FZR1: variants seen among roughly 807,000 people sequenced by gnomAD.
FZR1 encodes fizzy-related protein homolog.
A neutral mutation model predicts 63.6 loss-of-function variants in FZR1; 11 were observed. The observed-to-expected ratio is 0.17, with a 90% CI of 0.11 to 0.29. FZR1 has a LOEUF of 0.29. Ranked by LOEUF, FZR1 falls within the 10% of genes least tolerant of loss-of-function variation. The probability of loss-of-function intolerance (pLI) is 1.00; values close to 1 mark genes in which losing one functional copy is unlikely to be tolerated. For missense variants in FZR1, 440 were observed against 687.5 expected, an observed-to-expected ratio of 0.64 and a Z score of 4.03; for synonymous variants, 328 against 297.9, an observed-to-expected ratio of 1.10 and a Z score of -1.04.
chr19:3,529,614 TTGAGCAGATGGGAGAGCGGATGGG>T (rs1448734928), intron 7 of FZR1, among the ~76,000 whole-genome samples: 118 of 49,054 alleles, frequency 2.4e-3, no homozygotes, highest in Non-Finnish European at 3.4e-3. Flanking sequence ...GAGTGGATGG[TTGAGCAGATGGGAGAGCGGATGGG>T]TGAGCAGATG....
At chr19:3,528,382 G>C (rs1233554595) in intron 7 of FZR1, among the ~76,000 whole-genome samples, 1 of 152,266 alleles carries the variant, frequency 6.6e-6, no homozygotes, top group Non-Finnish European at 1.5e-5. Context: ...CAGCCTATGA[G>C]CTGCTCCCGC....
At chr19:3,523,569 T>C (rs561787143) in intron 2 of FZR1, among the ~76,000 whole-genome samples, 1 of 152,336 alleles carries the variant, frequency 6.6e-6, no homozygotes, top group African/African-American at 2.4e-5. Context: ...ACCCGACTCC[T>C]GCGGGGGGCT....
chr19:3,508,724 G>A (rs970454831), intron 1 of FZR1, among the ~76,000 whole-genome samples: 4 of 152,192 alleles, frequency 2.6e-5, no homozygotes, highest in Middle Eastern at 3.2e-3. Context: ...GGAACTCAGC[G>A]CTGTCACTCC....
chr19:3,525,930 C>A lies in FZR1; in HGVS notation c.132C>A (p.His44Gln), dbSNP rs368356219. 1 of 1,612,506 alleles carries A rather than the reference C, an allele frequency of 6.2e-7. No homozygotes were observed. Among genetic ancestry groups the A allele is most frequent in the Non-Finnish European group, 8.5e-7 (1 of 1,179,896 alleles). ...CCCCAGTGTCCTCGCCCAGCAAGCA[C>A]GGAGACCGCTTCATCCCCTCCAGAG... ...ASSPVSSPSKHGDRFIPSRAG... is the reference protein window; with the variant it reads ...ASSPVSSPSKQGDRFIPSRAG... Residue 44 changes from histidine (H) to glutamine (Q), a missense_variant, in exon 3 of 14, where the codon CAC becomes CAA. By Grantham distance (24) the His-to-Gln change is conservative. Transcript: ENST00000441788. This position sits in a 1 kb window ranked among gnomAD's most constrained non-coding sequence, Gnocchi z 4.2.
At position 3,525,590 on chromosome 19, in the gene FZR1, C is replaced by T. The variant is rs545198665; in HGVS notation, c.70-278C>T. On this transcript the variant is annotated intron_variant, in intron 2 of 13. Coordinates refer to ENST00000441788, the MANE Select transcript of FZR1 (RefSeq NM_016263.4). The surrounding 1 kb of genome is among the most constrained non-coding windows in gnomAD (Gnocchi z 4.2). ...CCCGAGTAGCTGGGACTACAGGCGC[C>T]TGCCACCACGCCCGGCTGATTTTTT... is the stretch of plus-strand genomic sequence containing the variant. Among the ~76,000 whole-genome samples the T allele has an allele frequency of 1.2e-3, 175 of 152,128 alleles. 1 individual carries two copies. Among genetic ancestry groups the T allele is most frequent in the African/African-American group, 4.1e-3 (172 of 41,520 alleles).
Position 3,525,261 on chromosome 19 carries a change from A to C in FZR1, c.70-607A>C, listed in dbSNP as rs2083141905. 6.6e-6 allele frequency among the ~76,000 whole-genome samples: 1 copy of C among 151,524 alleles called. No individual in the cohort carries two copies. The highest frequency in any genetic ancestry group is 6.6e-5 in the Admixed American group (1 of 15,204). On this transcript the variant is annotated intron_variant, in intron 2 of 13. Coordinates refer to ENST00000441788, the MANE Select transcript of FZR1 (RefSeq NM_016263.4). This position sits in a 1 kb window ranked among gnomAD's most constrained non-coding sequence, Gnocchi z 4.2. ...CTCTGTCCCCTCCGCCATGGCCCCC[A>C]TTCCTGCCACTCCACCCCGTCCCGT... is the stretch of plus-strand genomic sequence containing the variant.
rs2083049988 is a variant in FZR1 at position 3,515,164 on chromosome 19, G to T, written c.-34-7792G>T. 6.6e-6 allele frequency among the ~76,000 whole-genome samples: 1 copy of T among 152,226 alleles called. No homozygotes were observed. The highest frequency in any genetic ancestry group is 6.5e-5 in the Admixed American group (1 of 15,288). On this transcript the variant is annotated intron_variant, in intron 1 of 13. Transcript: ENST00000441788. This position sits in a 1 kb window ranked among gnomAD's most constrained non-coding sequence, Gnocchi z 4.6. ...GGGCCAGGGACAAGAACCTCTGCAG[G>T]GCCTGGCGGAGCACGAGTCACTCAC...
rs1293197613 is a variant in FZR1, at chr19:3,537,409, G to C, written c.*2573G>C. ...CAGATGGAGGGGGAGGCTGACCAAG[G>C]GCCCCGCAGGGCGGGCTGCAACTTT... On this transcript the variant is annotated 3_prime_UTR_variant, in exon 14 of 14. Coordinates refer to ENST00000441788, the MANE Select transcript of FZR1 (RefSeq NM_016263.4). 1.3e-5 allele frequency: 2 copies of C among 152,344 alleles called. No individual in the cohort carries two copies. Among genetic ancestry groups the C allele is most frequent in the African/African-American group, 4.8e-5 (2 of 41,464 alleles). The allele number at this position is 152,344 out of a possible 1,614,324, so 9.4% of individuals were successfully genotyped here. A position where few individuals can be genotyped will look rare whatever the true frequency, so the allele number is the denominator to read the frequency against.
At position 3,533,138 on chromosome 19, in the gene FZR1, A is replaced by G. The variant is rs549940500; in HGVS notation, c.1243-156A>G. Among the ~76,000 whole-genome samples, 130 of 152,200 alleles carry G rather than the reference A, an allele frequency of 8.5e-4. No individual in the cohort carries two copies. The highest frequency in any genetic ancestry group is 2.6e-3 in the African/African-American group (108 of 41,540). On this transcript the variant is annotated intron_variant, in intron 11 of 13. Transcript: ENST00000441788. The surrounding 1 kb of genome is among the most constrained non-coding windows in gnomAD (Gnocchi z 4.9). Reference sequence around the variant, plus strand: ...GCCTCCACACCTCCTAGACAGACTCAGGTGGCAGAGCCACATCCCAGCATC... The same window carrying G: ...GCCTCCACACCTCCTAGACAGACTCGGGTGGCAGAGCCACATCCCAGCATC...
At chr19:3,528,664 TGGATGAGAGAGTGGATGGGTGAGC>T (rs1351172275) in intron 7 of FZR1, among the ~76,000 whole-genome samples, 13 of 137,910 alleles carry the variant, frequency 9.4e-5, no homozygotes, top group African/African-American at 2.7e-4. Context: ...GATGGGAGAA[TGGATGAGAGAGTGGATGGGTGAGC>T]GGATGAGAGA....
rs1568237450 is a variant in FZR1, at chr19:3,529,131, TGGGAGAGCGGATGGGA to T, written c.654+1319_654+1334del. On this transcript the variant is annotated intron_variant, in intron 7 of 13. Transcript: ENST00000441788. ...ATGGGAGAGCGGATGGGAGAGCGGA[TGGGAGAGCGGATGGGA>T]GAGCGGATGGGAGAGCGGTTGGGAG... Among the ~76,000 whole-genome samples the T allele has an allele frequency of 3.6e-3, 470 of 131,714 alleles. 8 individuals carry two copies. The highest frequency in any genetic ancestry group is 0.013 in the African/African-American group (433 of 33,850). 86.4% of individuals were successfully genotyped at this position (131,714 alleles called of 152,430 possible).
chr19:3,528,333 C>T (rs982066837), intron 7 of FZR1, among the ~76,000 whole-genome samples: 4 of 152,230 alleles, frequency 2.6e-5, no homozygotes, highest in African/African-American at 7.2e-5. Flanking sequence ...TAACGCCATG[C>T]GAGTAGTTTC....
At chr19:3,506,976 A>T (rs2082988510) in intron 1 of FZR1, among the ~76,000 whole-genome samples, 1 of 151,856 alleles carries the variant, frequency 6.6e-6, no homozygotes, top group East Asian at 1.9e-4. Context: ...GTGGTGTGCG[A>T]TGGCTCGCCC....
chr19:3,525,784 GC>G lies in FZR1; in HGVS notation c.70-82del. The G allele has an allele frequency of 6.6e-7, 1 of 1,517,772 alleles. No individual in the cohort carries two copies. Among genetic ancestry groups the G allele is most frequent in the East Asian group, 2.3e-5 (1 of 44,076 alleles). The allele number at this position is 1,517,772 out of a possible 1,614,324, so 94.0% of individuals were successfully genotyped here. On this transcript the variant is annotated intron_variant, in intron 2 of 13. Coordinates refer to ENST00000441788, the MANE Select transcript of FZR1 (RefSeq NM_016263.4). This position sits in a 1 kb window ranked among gnomAD's most constrained non-coding sequence, Gnocchi z 4.2. ...AGATCAAAGCCCCCTTTGCTCAGTG[GC>G]CAGAGGCTGAGAGAGGCTGGCCTGG...
intron 7 of FZR1, 100 bp downstream of exon 7, chr19:3,527,914 G>A (rs2083177243): frequency 4.4e-6 from 4 of 919,174 alleles, no homozygotes; most frequent in Non-Finnish European, 4.8e-6. Flanking sequence ...GTACGAGCCA[G>A]GCGCCTGCCA....
At chr19:3,508,138 A>G in intron 1 of FZR1, among the ~76,000 whole-genome samples, 1 of 142,492 alleles carries the variant, frequency 7.0e-6, no homozygotes, top group African/African-American at 2.6e-5. Flanking sequence ...TGGGGTTTGG[A>G]GGAGGAGTTT....
At chr19:3,523,102 C>G in intron 2 of FZR1, 44 bp downstream of exon 2, 1 of 1,210,740 alleles carries the variant, frequency 8.3e-7, no homozygotes, top group Non-Finnish European at 1.2e-6. Context: ...CCCCCTCCCC[C>G]AGCTGCCTCT....
rs2083264479 is a variant in FZR1, at chr19:3,533,106, A to G, written c.1243-188A>G. 1.3e-5 allele frequency among the ~76,000 whole-genome samples: 2 copies of G among 151,506 alleles called. No individual in the cohort carries two copies. The highest frequency in any genetic ancestry group is 4.9e-5 in the African/African-American group (2 of 41,154). On this transcript the variant is annotated intron_variant, in intron 11 of 13. Transcript: ENST00000441788. The surrounding 1 kb of genome is among the most constrained non-coding windows in gnomAD (Gnocchi z 4.9). Reference sequence around the variant, plus strand: ...CCTTTGGCGGTGGGTGGAGGGGTCCACCTGTGGCCTCCACACCTCCTAGAC... The same window carrying G: ...CCTTTGGCGGTGGGTGGAGGGGTCCGCCTGTGGCCTCCACACCTCCTAGAC...
rs369347072 is a variant in FZR1 at position 3,527,263 on chromosome 19, A to C, written c.470+201A>C. Among the ~76,000 whole-genome samples, 38 of 152,204 alleles carry C rather than the reference A, an allele frequency of 2.5e-4. 1 individual carries two copies. The East Asian group carries it at 4.6e-3, about 19-fold the overall frequency. On this transcript the variant is annotated intron_variant, in intron 6 of 13. Coordinates refer to ENST00000441788, the MANE Select transcript of FZR1 (RefSeq NM_016263.4). ...TAGAGTGGAGGGGCCCCAGCCCCCC[A>C]TGAGGCCATGGTCAGTAATAGAAGT...
Sources: gnomAD v4.1 joint callset for allele counts (sites outside exome capture counted in the v4.1 genomes callset) on GRCh38, gnomAD v4.1.1 for gene constraint, Gnocchi (gnomAD v3.1) non-coding constraint, MANE v1.5 for transcripts, NCBI Gene and HGNC (gene_info 2026-07-23, HGNC 2026-07-21) for gene names.